The following ARAP2 variants were observed in gnomAD, a reference collection of about 807,000 sequenced individuals.
The protein encoded by ARAP2 is ArfGAP with RhoGAP domain, ankyrin repeat and PH domain 2.
Under a neutral mutation model 194.5 loss-of-function variants are expected in ARAP2, and 148 were observed. That is an observed-to-expected ratio of 0.76 (90% confidence interval 0.67 to 0.87). The LOEUF (loss-of-function observed/expected upper bound fraction) is 0.87, where lower values mean the gene tolerates loss of function less well. ARAP2 is among the 40% of genes least tolerant of loss of function. The pLI is 0.00. For synonymous variants in ARAP2, 695 were observed against 683.5 expected, an observed-to-expected ratio of 1.02 and a Z score of -0.26; for missense variants, 2,128 against 1,989.7, an observed-to-expected ratio of 1.07 and a Z score of -1.32.
intron 15 of ARAP2, among the ~76,000 whole-genome samples, chr4:36,151,360 T>C (rs545978643): frequency 2.1e-4 from 32 of 151,990 alleles, no homozygotes; most frequent in African/African-American, 7.7e-4. Flanking sequence ...GTCTGTAGAG[T>C]ATTAAAAGGA....
At chr4:36,165,274 C>T (rs1451291403) in intron 10 of ARAP2, among the ~76,000 whole-genome samples, 161 bp from the exon 11 acceptor site, 1 of 152,146 alleles carries the variant, frequency 6.6e-6, no homozygotes, top group East Asian at 1.9e-4. Context: ...AATCATTTAA[C>T]TTCGTCTTTT....
intron 7 of ARAP2, among the ~76,000 whole-genome samples, chr4:36,192,525 A>G (rs955640174): frequency 2.0e-5 from 3 of 152,014 alleles, no homozygotes; most frequent in African/African-American, 7.2e-5. Context: ...AGCCTGTCTC[A>G]CTCCTGAGTA....
At chr4:36,163,816 TGAAACTG>T (rs1312140613) in intron 11 of ARAP2, among the ~76,000 whole-genome samples, 6 of 152,156 alleles carry the variant, frequency 3.9e-5, no homozygotes, top group Non-Finnish European at 8.8e-5. Context: ...TCTCTTCCAA[TGAAACTG>T]GAGAGAAGAA....
chr4:36,229,414 A>G lies in ARAP2; in HGVS notation c.73T>C (p.Leu25=), dbSNP rs1035260980. The G allele has an allele frequency of 4.3e-6, 7 of 1,613,840 alleles. No individual in the cohort carries two copies. The African/African-American group carries it at 8.0e-5, about 18-fold the overall frequency. The change falls in exon 2 of 33, where the codon TTA becomes CTA. Residue 25 remains leucine (L), a synonymous_variant. Transcript: ENST00000303965. The stretch of plus-strand genomic sequence containing the variant: ...GTAAAACCAGACTCATGGAAATGTA[A>G]GAGATACTGCTCCAAATTAATGCTC... The part of the protein sequence containing the change: ...LMSINLEQYL[L]HFHESGFTTV...
At chr4:36,183,139 T>G (rs1163749216) in intron 8 of ARAP2, among the ~76,000 whole-genome samples, 1 of 152,048 alleles carries the variant, frequency 6.6e-6, no homozygotes, top group East Asian at 1.9e-4. Context: ...TAGCAAACCA[T>G]CATTAATGAG....
intron 19 of ARAP2, among the ~76,000 whole-genome samples, chr4:36,146,861 C>T (rs1435421854): frequency 1.3e-5 from 2 of 151,982 alleles, no homozygotes; most frequent in South Asian, 4.1e-4. Flanking sequence ...CCCTGATGCA[C>T]AGTAGATGCT....
At position 36,210,516 on chromosome 4, in the gene ARAP2, C is replaced by A. The variant is rs2080055073; in HGVS notation, c.1361G>T (p.Ser454Ile). 5 of 1,613,928 alleles carry A rather than the reference C, an allele frequency of 3.1e-6. No individual in the cohort carries two copies. Among genetic ancestry groups the A allele is most frequent in the Middle Eastern group, 1.6e-4 (1 of 6,062 alleles). Residue 454 changes from serine to isoleucine, a missense_variant, in exon 6 of 33, where the codon AGC becomes ATC. Coordinates refer to ENST00000303965, the MANE Select transcript of ARAP2 (RefSeq NM_015230.4). ...DSVNRHSYPL[S>I]STSGNADSSA... is the part of the protein sequence containing the mutation. ...TGAATCAGCATTTCCACTTGTTGAGCTTAACGGATAACTGTGCCTATTAAC... is the reference window on the plus strand; with the variant it reads ...TGAATCAGCATTTCCACTTGTTGAGATTAACGGATAACTGTGCCTATTAAC...
intron 20 of ARAP2, 93 bp from the exon 21 acceptor site, chr4:36,128,838 G>T: frequency 2.0e-6 from 2 of 1,007,472 alleles, no homozygotes; most frequent in Non-Finnish European, 2.9e-6. Flanking sequence ...GTGTTGAGAC[G>T]AGAAGATGAT....
At chr4:36,168,109 A>G (rs910350797) in intron 9 of ARAP2, among the ~76,000 whole-genome samples, 10 of 152,024 alleles carry the variant, frequency 6.6e-5, no homozygotes, top group Non-Finnish European at 1.5e-5. Flanking sequence ...CTCTCCTGCT[A>G]TATACGCCAA....
intron 6 of ARAP2, among the ~76,000 whole-genome samples, chr4:36,206,831 C>T (rs1745639255): frequency 6.6e-6 from 1 of 151,466 alleles, no homozygotes; most frequent in Non-Finnish European, 1.5e-5. Flanking sequence ...CTCACACTGC[C>T]ACATCAGTCC....
At position 36,147,554 on chromosome 4, in the gene ARAP2, C is replaced by T; in HGVS notation, c.3193G>A (p.Glu1065Lys). 6.2e-7 allele frequency: 1 copy of T among 1,609,430 alleles called. No homozygotes were observed. Among genetic ancestry groups the T allele is most frequent in the East Asian group, 2.2e-5 (1 of 44,832 alleles). Residue 1065 changes from glutamate to lysine, a missense_variant, in exon 18 of 33, where the codon GAG (glutamate) becomes AAG (lysine). Transcript: ENST00000303965. ...GDRMHLRRLQ[E>K]LTISTMVQNG... ...GGAAGAAAAAAGCTCTTACTTAGCT[C>T]TTGCAGTCTTCTTAAGTGCATTCTA...
chr4:36,087,488 C>T (rs771050663), intron 28 of ARAP2, among the ~76,000 whole-genome samples: 1 of 152,052 alleles, frequency 6.6e-6, no homozygotes, highest in Non-Finnish European at 1.5e-5. Flanking sequence ...GAGACTATCA[C>T]TGCCTACCAG....
At chr4:36,061,567 CG>C (rs1323462647), downstream of ARAP2, among the ~76,000 whole-genome samples, 1 of 152,152 alleles carries the variant, frequency 6.6e-6, no homozygotes, top group Non-Finnish European at 1.5e-5. Flanking sequence ...TTTATCGATT[CG>C]TCTGTTGATG....
intron 2 of ARAP2, 85 bp from the exon 3 acceptor site, chr4:36,214,565 G>C (rs1297234636): frequency 1.2e-6 from 1 of 831,998 alleles, no homozygotes; most frequent in Non-Finnish European, 1.8e-6. Flanking sequence ...AAAATATTAT[G>C]AGAAAATATT....
chr4:36,065,862 T>C (rs1423835066), downstream of ARAP2: 1 of 152,216 alleles, frequency 6.6e-6, no homozygotes, highest in African/African-American at 2.4e-5. Context: ...CTACTTACAG[T>C]GACCTGTTTG....
intron 1 of ARAP2, among the ~76,000 whole-genome samples, chr4:36,237,388 A>G (rs1169919127): frequency 1.3e-5 from 2 of 152,102 alleles, no homozygotes; most frequent in African/African-American, 4.8e-5. Flanking sequence ...GTCCCCTCCA[A>G]ATTTCATGTG....
intron 32 of ARAP2, among the ~76,000 whole-genome samples, chr4:36,070,286 C>T (rs543884281): frequency 5.8e-4 from 88 of 152,156 alleles, no homozygotes; most frequent in African/African-American, 2.0e-3. Context: ...GCCTTGAATG[C>T]TATGAAGAAA....
rs138847416 is a variant in ARAP2 at position 36,021,932 on chromosome 4, C to T, written n.608-2646G>A. Among the ~76,000 whole-genome samples the T allele has an allele frequency of 6.5e-3, 987 of 152,202 alleles. 6 individuals carry two copies. The highest frequency in any genetic ancestry group is 0.011 in the Non-Finnish European group (741 of 67,994). On this transcript the variant is annotated intron_variant and non_coding_transcript_variant, in intron 5 of 12. Transcript: ENST00000503225. ...GAACATCAGAGTACATTTAAACAAACCTAGATGTTGTAGATCACTACACCT... is the reference window on the plus strand; with the variant it reads ...GAACATCAGAGTACATTTAAACAAATCTAGATGTTGTAGATCACTACACCT...
At chr4:36,082,879 C>A (rs1050228050) in intron 29 of ARAP2, among the ~76,000 whole-genome samples, 1 of 152,076 alleles carries the variant, frequency 6.6e-6, no homozygotes, top group Admixed American at 6.6e-5. Context: ...CCTCCTCTAG[C>A]GCTTACATGC....
Sources: allele counts gnomAD v4.1 joint callset (sites outside exome capture counted in the v4.1 genomes callset), GRCh38; gene constraint gnomAD v4.1.1; transcripts MANE v1.5; gene names NCBI Gene and HGNC (gene_info 2026-07-23, HGNC 2026-07-21).